Variants in ERMARD observed in about 807,000 individuals in gnomAD.
The protein encoded by ERMARD is endoplasmic reticulum membrane-associated RNA degradation protein.
In ERMARD, 71 loss-of-function variants were observed where a neutral mutation model predicts 83.9. The observed-to-expected ratio is 0.85, with a 90% confidence interval of 0.70 to 1.03. The LOEUF (loss-of-function observed/expected upper bound fraction) is 1.03. Ranked by LOEUF, ERMARD falls within the 50% of genes least tolerant of loss-of-function variation. The pLI is 0.00. For synonymous variants in ERMARD, 284 were observed against 298.6 expected, an observed-to-expected ratio of 0.95 and a Z score of 0.50; for missense variants, 838 against 810.9, an observed-to-expected ratio of 1.03 and a Z score of -0.41.
At chr6:169,751,399 A>AGGGGTCTGGTTC (rs775746939), upstream of ERMARD, 4 of 1,613,972 alleles carry the variant, frequency 2.5e-6, no homozygotes, top group Non-Finnish European at 3.4e-6. Flanking sequence ...GAGCCTGCTG[A>AGGGGTCTGGTTC]GGGGTCTGGT....
In ERMARD at chr6:169,773,315, C is replaced by G. The variant is rs774557758; in HGVS notation, c.1234-4C>G. 6.2e-7 allele frequency: 1 copy of G among 1,613,818 alleles called. No homozygotes were observed. The highest frequency in any genetic ancestry group is 8.5e-7 in the Non-Finnish European group (1 of 1,179,804). On this transcript the variant is annotated splice_polypyrimidine_tract_variant and splice_region_variant and intron_variant, in intron 12 of 17. Coordinates refer to ENST00000366773, the MANE Select transcript of ERMARD (RefSeq NM_018341.3). ...GATAGTAACCACTGTTTTCTCTGCA[C>G]TAGGAAAAATCAGCCGTAGAATTGT...
chr6:169,760,298 C>G (rs1791379386), intron 7 of ERMARD, among the ~76,000 whole-genome samples: 1 of 152,190 alleles, frequency 6.6e-6, no homozygotes, highest in Admixed American at 6.5e-5. Flanking sequence ...CCTCTTGTGT[C>G]TTTGTACTCA....
intron 8 of ERMARD, 33 bp downstream of exon 8, chr6:169,760,789 A>G (rs201181276): frequency 1.4e-6 from 2 of 1,462,002 alleles, no homozygotes; most frequent in African/African-American, 1.4e-5. Flanking sequence ...AGTGGTTTGC[A>G]GTGGTTGGAG....
chr6:169,780,922 GCTTGA>G (rs1281077420), intron 17 of ERMARD, among the ~76,000 whole-genome samples: 2 of 152,092 alleles, frequency 1.3e-5, no homozygotes, highest in Non-Finnish European at 2.9e-5. Flanking sequence ...AATTTTTCAC[GCTTGA>G]CTTGAGTATG....
At position 169,762,111 on chromosome 6, in the gene ERMARD, A is replaced by G. The variant is rs377735331; in HGVS notation, c.858-318A>G. ...TTTTTTGCTTGTTTTTTACTTAGAG[A>G]GTCTTAGTCTGTCACTCAAGCTAGA... is the stretch of plus-strand genomic sequence containing the variant. On this transcript the variant is annotated intron_variant, in intron 8 of 17. Coordinates refer to ENST00000366773, the MANE Select transcript of ERMARD (RefSeq NM_018341.3). Among the ~76,000 whole-genome samples, 35 of 151,864 alleles carry G rather than the reference A, an allele frequency of 2.3e-4. No homozygotes were observed. In the South Asian group the frequency reaches 4.2e-3, roughly 18 times the overall value.
At chr6:169,775,156 A>C in intron 13 of ERMARD, 114 bp from the exon 14 acceptor site, 1 of 1,130,220 alleles carries the variant, frequency 8.8e-7, no homozygotes, top group East Asian at 2.6e-5. Context: ...TAAAATGTTT[A>C]GAATTTGTAA....
intron 5 of ERMARD, 38 bp downstream of exon 5, chr6:169,756,846 C>G: frequency 6.4e-7 from 1 of 1,563,258 alleles, no homozygotes; most frequent in Non-Finnish European, 8.8e-7. Context: ...GTATATTAGT[C>G]CGTTTTCATG....
chr6:169,757,811 A>G (rs1472064735), intron 5 of ERMARD, among the ~76,000 whole-genome samples: 1 of 152,184 alleles, frequency 6.6e-6, no homozygotes, highest in Non-Finnish European at 1.5e-5. Context: ...CTTAAAGATC[A>G]TTTTCTTTTG....
In ERMARD at chr6:169,758,962, G is replaced by A; in HGVS notation, c.508-6G>A. 6.2e-7 allele frequency: 1 copy of A among 1,610,780 alleles called. No homozygotes were observed. Among genetic ancestry groups the A allele is most frequent in the Non-Finnish European group, 8.5e-7 (1 of 1,178,052 alleles). On this transcript the variant is annotated splice_region_variant and splice_polypyrimidine_tract_variant and intron_variant, in intron 5 of 17. Transcript: ENST00000366773. ...ATAATTAACTATGTAATGATTTGCG[G>A]ATTAGATGAATGTGCTAAAAGTCTT...
chr6:169,775,202 CA>C (rs2128364094), intron 13 of ERMARD, 67 bp from the exon 14 acceptor site: 1 of 1,489,896 alleles, frequency 6.7e-7, no homozygotes, highest in East Asian at 2.3e-5. Context: ...ATGTAACATC[CA>C]TAAAAACACA....
rs764190966 is a variant in ERMARD at position 169,751,651 on chromosome 6, G to A, written c.-7G>A. ...TTCACGCGCGCCGCAGCGGGGCACC[G>A]GAAGTTATGGAGGTAGGGCGGGTGT... On this transcript the variant is annotated 5_prime_UTR_variant, in exon 1 of 18. Transcript: ENST00000366773. 1.3e-6 allele frequency: 2 copies of A among 1,562,798 alleles called. No homozygotes were observed. The highest frequency in any genetic ancestry group is 8.7e-7 in the Non-Finnish European group (1 of 1,153,504).
chr6:169,779,974 T>G (rs1794024069), intron 17 of ERMARD, among the ~76,000 whole-genome samples: 1 of 152,208 alleles, frequency 6.6e-6, no homozygotes, highest in South Asian at 2.1e-4. Flanking sequence ...CCAGTCTCCC[T>G]CGGCTGCTAG....
Position 169,754,007 on chromosome 6 carries a change from A to C in ERMARD, c.150A>C (p.Thr50=). ...GTGAAGTATGCTGGAAAACAATCAC[A>C]GACTGTGTGAGCTACACAGAGTCAG... ...QNGEVCWKTI[T]DCVSYTESEQ... The change falls in exon 2 of 18, where the codon ACA becomes ACC. Residue 50 remains threonine, a synonymous_variant. Coordinates refer to ENST00000366773, the MANE Select transcript of ERMARD (RefSeq NM_018341.3). 1 of 1,613,402 alleles carries C rather than the reference A, an allele frequency of 6.2e-7. No homozygotes were observed. The highest frequency in any genetic ancestry group is 1.3e-5 in the African/African-American group (1 of 75,018).
At chr6:169,756,008 G>A (rs1790769258) in intron 3 of ERMARD, among the ~76,000 whole-genome samples, 1 of 152,180 alleles carries the variant, frequency 6.6e-6, no homozygotes, top group Admixed American at 6.5e-5. Flanking sequence ...GGCAGGATGA[G>A]TGCCTTGTGT....
chr6:169,766,623 T>G lies in ERMARD; in HGVS notation c.961-15T>G. On this transcript the variant is annotated splice_polypyrimidine_tract_variant and intron_variant, in intron 9 of 17. Coordinates refer to ENST00000366773, the MANE Select transcript of ERMARD (RefSeq NM_018341.3). ...TGCTTTAATTGTTTATTTTCATTTC[T>G]TTCCTTTTCTGAAGTCAACAGCTCT... The G allele has an allele frequency of 6.4e-7, 1 of 1,571,518 alleles. No homozygotes were observed. The highest frequency in any genetic ancestry group is 1.4e-5 in the African/African-American group (1 of 72,390).
At chr6:169,755,053 T>C (rs1057395089) in intron 2 of ERMARD, among the ~76,000 whole-genome samples, 2 of 152,196 alleles carry the variant, frequency 1.3e-5, no homozygotes, top group African/African-American at 4.8e-5. Context: ...TTTGAAACTT[T>C]TTGTATTTTC....
chr6:169,766,876 C>T (rs911038460), intron 10 of ERMARD: 1 of 464,286 alleles, frequency 2.2e-6, no homozygotes, highest in African/African-American at 2.0e-5. Context: ...CAAAGCTATC[C>T]AAAGCTCAAA....
chr6:169,756,534 C>A, intron 4 of ERMARD, 95 bp downstream of exon 4: 3 of 1,059,584 alleles, frequency 2.8e-6, no homozygotes, highest in South Asian at 1.5e-5. Flanking sequence ...TGATTATTTT[C>A]CTATAAGATA....
Position 169,769,557 on chromosome 6 carries a change from C to T in ERMARD, c.1077C>T (p.Phe359=), listed in dbSNP as rs1221158399. ...GEPAMEFLWD[F]LNHQEGPRIR... ...TCTGAAAGGAATTTCTCTGGGATTT[C>T]CTGAACCATCAGGAGGGTCCCCGCA... The change falls in exon 12 of 18, where the codon TTC becomes TTT. Residue 359 remains phenylalanine (F), a synonymous_variant. Coordinates refer to ENST00000366773, the MANE Select transcript of ERMARD (RefSeq NM_018341.3). The T allele has an allele frequency of 1.9e-6, 3 of 1,596,732 alleles. No individual in the cohort carries two copies. In the East Asian group the frequency reaches 6.7e-5, roughly 36 times the overall value.
Sources: gnomAD v4.1 joint callset for allele counts (sites outside exome capture counted in the v4.1 genomes callset) on GRCh38, gnomAD v4.1.1 for gene constraint, MANE v1.5 for transcripts, NCBI Gene and HGNC (gene_info 2026-07-23, HGNC 2026-07-21) for gene names.